The following IGF2R variants were observed in gnomAD, a reference collection of about 807,000 sequenced individuals.
IGF2R encodes the protein cation-independent mannose-6-phosphate receptor.
In IGF2R, 91 loss-of-function variants were observed where a neutral mutation model predicts 270.6. The ratio of observed to expected loss-of-function variants is 0.34; its 90% CI spans 0.28 to 0.40. The LOEUF is 0.40. Ranked by LOEUF, IGF2R falls within the 10% of genes least tolerant of loss-of-function variation. The probability of loss-of-function intolerance (pLI) is 1.00; values close to 1 mark genes in which losing one functional copy is unlikely to be tolerated. For synonymous variants in IGF2R, 1,316 were observed against 1,258.9 expected, an observed-to-expected ratio of 1.05 and a Z score of -0.96; for missense variants, 2,805 against 3,188.3, an observed-to-expected ratio of 0.88 and a Z score of 2.90.
chr6:160,075,706 A>G lies in IGF2R; in HGVS notation c.5167-141A>G, dbSNP rs376485883. The G allele has an allele frequency of 2.3e-3, 1,726 of 757,928 alleles. 11 individuals are homozygous for G. Among genetic ancestry groups the G allele is most frequent in the South Asian group, 9.7e-3 (549 of 56,610 alleles). 47.0% of individuals were successfully genotyped at this position (757,928 alleles called of 1,614,324 possible). On this transcript the variant is annotated intron_variant, in intron 35 of 47. Transcript: ENST00000356956. ...GTCAAGCCTTCCAACTGGAGTTGGTATAAACCCAGTTTCTTTAGATGCTGC... is the reference window on the plus strand; with the variant it reads ...GTCAAGCCTTCCAACTGGAGTTGGTGTAAACCCAGTTTCTTTAGATGCTGC...
rs116755569 is a variant in IGF2R at position 160,040,016 on chromosome 6, A to G, written c.1316-544A>G. Among the ~76,000 whole-genome samples the G allele has an allele frequency of 3.5e-3, 536 of 152,324 alleles. 3 individuals are homozygous for G. Among genetic ancestry groups the G allele is most frequent in the African/African-American group, 0.012 (513 of 41,572 alleles). On this transcript the variant is annotated intron_variant, in intron 10 of 47. Transcript: ENST00000356956. The stretch of plus-strand genomic sequence containing the variant: ...GTGCTGCTAACATTGTGGGGCTGGC[A>G]TAGGACCTTGGCGTGCTTCACTGGG...
At position 160,111,464 on chromosome 6, in the gene IGF2R, T is replaced by C. The variant is rs1274488154; in HGVS notation, c.*6380T>C. 3 of 152,248 alleles carry C rather than the reference T, an allele frequency of 2.0e-5. No homozygotes were observed. Among genetic ancestry groups the C allele is most frequent in the Admixed American group, 1.3e-4 (2 of 15,286 alleles). 9.4% of individuals were successfully genotyped at this position (152,248 alleles called of 1,614,324 possible). On this transcript the variant is annotated 3_prime_UTR_variant, in exon 48 of 48. Transcript: ENST00000356956. ...TTTTCTTAAAACTTTTTCTGTATTT[T>C]ATTGTAAGAATACAGTATATAATAC...
rs1190032877 is a variant in IGF2R at position 160,004,827 on chromosome 6, A to G, written c.290-4183A>G. The G allele has an allele frequency of 1.3e-5, 2 of 152,494 alleles. No individual in the cohort carries two copies. The highest frequency in any genetic ancestry group is 1.5e-5 in the Non-Finnish European group (1 of 68,296). 9.4% of individuals were successfully genotyped at this position (152,494 alleles called of 1,614,324 possible). Reference sequence around the variant, plus strand: ...CCTGCCTGTGCACCAGGGAAAGCCAAACACCAAAGCGCAGGGTTTTTGCTG... The same window carrying G: ...CCTGCCTGTGCACCAGGGAAAGCCAGACACCAAAGCGCAGGGTTTTTGCTG... On this transcript the variant is annotated intron_variant, in intron 2 of 47. Transcript: ENST00000356956. The surrounding 1 kb of genome is among the most constrained non-coding windows in gnomAD (Gnocchi z 5.2).
At position 160,085,074 on chromosome 6, in the gene IGF2R, A is replaced by G. The variant is rs758170760; in HGVS notation, c.6148A>G (p.Thr2050Ala). ...AAGGGCCAGCATTTGCAGAAGGACC[A>G]CAACTGGTGACGTCCAGGTCCTGGG... The part of the protein sequence containing the change: ...SERASICRRT[T>A]TGDVQVLGLV... Residue 2050 changes from threonine (T) to alanine (A), a missense_variant, in exon 41 of 48, where the codon ACA becomes GCA. Thr to Ala is a moderately conservative substitution (Grantham distance 58, BLOSUM62 0). This residue lies in a region of IGF2R where 1,851 missense variants were observed against 2,207.2 expected (regional missense o/e 0.84). Transcript: ENST00000356956. 1.9e-6 allele frequency: 3 copies of G among 1,614,100 alleles called. No individual in the cohort carries two copies. Among genetic ancestry groups the G allele is most frequent in the South Asian group, 1.1e-5 (1 of 91,082 alleles).
Position 160,071,894 on chromosome 6 carries a change from C to G in IGF2R, c.4444-16C>G, listed in dbSNP as rs753136356. 10 of 1,614,082 alleles carry G rather than the reference C, an allele frequency of 6.2e-6. No homozygotes were observed. Among genetic ancestry groups the G allele is most frequent in the Non-Finnish European group, 8.5e-6 (10 of 1,179,954 alleles). On this transcript the variant is annotated splice_polypyrimidine_tract_variant and intron_variant, in intron 31 of 47. Coordinates refer to ENST00000356956, the MANE Select transcript of IGF2R (RefSeq NM_000876.4). Reference sequence around the variant, plus strand: ...TTTGCGTGATCCCTTCAGGACCTGTCTGTGCTTTGTTGTAGAACTCCAGGC... The same window carrying G: ...TTTGCGTGATCCCTTCAGGACCTGTGTGTGCTTTGTTGTAGAACTCCAGGC...
At chr6:160,077,257 T>C (rs1026734387) in intron 36 of IGF2R, among the ~76,000 whole-genome samples, 3 of 152,164 alleles carry the variant, frequency 2.0e-5, no homozygotes, top group Non-Finnish European at 4.4e-5. Context: ...TATTGGCATA[T>C]TTTTATAGGG....
Position 160,064,519 on chromosome 6 carries a change from C to T in IGF2R, c.4005C>T (p.Arg1335=), listed in dbSNP as rs377735079. Residue 1335 remains arginine (R), a synonymous_variant, in exon 28 of 48, where the codon CGC becomes CGT. Coordinates refer to ENST00000356956, the MANE Select transcript of IGF2R (RefSeq NM_000876.4). The stretch of plus-strand genomic sequence containing the variant: ...CAGCCATCTTCTTCTACTGTGACCG[C>T]GGCACCCAGCGGGTGAGCATGTACC... ...RSTAIFFYCD[R]GTQRPVFLKE... is the part of the protein sequence containing the mutation. 25 of 1,613,992 alleles carry T rather than the reference C, an allele frequency of 1.5e-5. No individual in the cohort carries two copies. Among genetic ancestry groups the T allele is most frequent in the Middle Eastern group, 1.6e-4 (1 of 6,078 alleles).
rs1243604829 is a variant in IGF2R at position 160,063,508 on chromosome 6, A to G, written c.3764A>G (p.Tyr1255Cys). 2 of 1,614,132 alleles carry G rather than the reference A, an allele frequency of 1.2e-6. No homozygotes were observed. The highest frequency in any genetic ancestry group is 1.1e-5 in the South Asian group (1 of 91,076). The change falls in exon 27 of 48, where the codon TAC becomes TGC. Residue 1255 changes from tyrosine (Y) to cysteine (C), a missense_variant. Around this residue, in one of 2 missense-constraint regions of IGF2R, gnomAD observed 1,851 missense variants for 2,207.2 expected, o/e 0.84. Coordinates refer to ENST00000356956, the MANE Select transcript of IGF2R (RefSeq NM_000876.4). ...LNDTIVSAGEYTYYFRVCGKL... is the reference protein window; with the variant it reads ...LNDTIVSAGECTYYFRVCGKL... ...GACACCATCGTGAGCGCTGGCGAATACACTTATTACTTCCGGGTCTGTGGG... is the reference window on the plus strand; with the variant it reads ...GACACCATCGTGAGCGCTGGCGAATGCACTTATTACTTCCGGGTCTGTGGG...
In IGF2R at chr6:160,069,946, C is replaced by T. The variant is rs1197540560; in HGVS notation, c.4331C>T (p.Pro1444Leu). Reference sequence around the variant, plus strand: ...AACCTCGGCAGGGTAAGGGACGGACCTCAGTGGAGAGATGGCATAATTGTC... The same window carrying T: ...AACCTCGGCAGGGTAAGGGACGGACTTCAGTGGAGAGATGGCATAATTGTC... ...PVNLGRVRDG[P>L]QWRDGIIVLK... The change falls in exon 31 of 48, where the codon CCT becomes CTT. Residue 1444 changes from proline (P) to leucine (L), a missense_variant. Physicochemically the swap from Pro to Leu is moderately conservative, Grantham distance 98. Around this residue, in one of 2 missense-constraint regions of IGF2R, gnomAD observed 1,851 missense variants for 2,207.2 expected, o/e 0.84. Transcript: ENST00000356956. The T allele has an allele frequency of 1.2e-6, 2 of 1,614,216 alleles. No individual in the cohort carries two copies. Among genetic ancestry groups the T allele is most frequent in the Admixed American group, 1.7e-5 (1 of 60,030 alleles).
intron 39 of IGF2R, among the ~76,000 whole-genome samples, chr6:160,083,056 C>T (rs1187474576): frequency 6.6e-6 from 1 of 152,234 alleles, no homozygotes; most frequent in African/African-American, 2.4e-5. Context: ...CAAGGACCTG[C>T]ACCGGCATCG....
chr6:160,089,015 TGCTTC>T, intron 42 of IGF2R, 87 bp from the exon 43 acceptor site: 1 of 1,298,808 alleles, frequency 7.7e-7, no homozygotes, highest in African/African-American at 1.5e-5. Context: ...GCCAGTGAGC[TGCTTC>T]AAGGGCTCCG....
intron 39 of IGF2R, 78 bp downstream of exon 39, chr6:160,080,353 G>A (rs1778951827): frequency 7.2e-7 from 1 of 1,385,848 alleles, no homozygotes; most frequent in Non-Finnish European, 9.9e-7. Flanking sequence ...TGAGACCTTT[G>A]TGGATGCCCC....
At position 160,096,575 on chromosome 6, in the gene IGF2R, C is replaced by T. The variant is rs986639072; in HGVS notation, c.6792C>T (p.Ala2264=). Residue 2264 remains alanine, a synonymous_variant, in exon 45 of 48, where the codon GCC becomes GCT. Transcript: ENST00000356956. ...TCCCCGAGTTCAGTCACGAGACTGC[C>T]GACTGCCAGTACCTCTTCTCTTGGT... The part of the protein sequence containing the change: ...DGIPEFSHET[A]DCQYLFSWYT... The T allele has an allele frequency of 3.7e-6, 6 of 1,614,100 alleles. No individual in the cohort carries two copies. Among genetic ancestry groups the T allele is most frequent in the Non-Finnish European group, 5.1e-6 (6 of 1,179,994 alleles).
chr6:160,063,358 A>C (rs920042099), intron 26 of IGF2R, 57 bp from the exon 27 acceptor site: 1 of 1,375,832 alleles, frequency 7.3e-7, no homozygotes, highest in African/African-American at 1.4e-5. Flanking sequence ...TTTTTGCTTG[A>C]AAATGTGAAT....
chr6:160,097,135 C>G (rs917088154), intron 45 of IGF2R, among the ~76,000 whole-genome samples: 3 of 152,232 alleles, frequency 2.0e-5, no homozygotes, highest in African/African-American at 4.8e-5. Context: ...GAAAAGCTTA[C>G]TCTCCAGATT....
At chr6:160,068,415 T>A (rs1208168878) in intron 30 of IGF2R, 30 bp downstream of exon 30, 2 of 1,589,066 alleles carry the variant, frequency 1.3e-6, no homozygotes, top group Non-Finnish European at 1.7e-6. Flanking sequence ...TGGGGTGGTG[T>A]TTGCAGTGAG....
intron 16 of IGF2R, 110 bp downstream of exon 16, chr6:160,047,446 G>A (rs1049516467): frequency 2.7e-5 from 26 of 955,090 alleles, no homozygotes; most frequent in East Asian, 1.3e-4. Context: ...AATCATCACC[G>A]TCATTAGATT....
At chr6:160,027,069 A>G in intron 5 of IGF2R, 116 bp from the exon 6 acceptor site, 6 of 1,150,572 alleles carry the variant, frequency 5.2e-6, no homozygotes, top group Non-Finnish European at 7.6e-6. Flanking sequence ...CAGAATAGTT[A>G]CTTAGGGAGA....
rs1403688416 is a variant in IGF2R at position 160,106,373 on chromosome 6, T to C, written c.*1289T>C. On this transcript the variant is annotated 3_prime_UTR_variant, in exon 48 of 48. Coordinates refer to ENST00000356956, the MANE Select transcript of IGF2R (RefSeq NM_000876.4). ...GTAGAATTGTATATAGACTCTGGTG[T>C]TCTATTGCTGAGAAGCAAACCGCCC... The C allele has an allele frequency of 6.5e-6, 1 of 152,676 alleles. No individual in the cohort carries two copies. The highest frequency in any genetic ancestry group is 1.5e-5 in the Non-Finnish European group (1 of 68,050). 9.5% of individuals were successfully genotyped at this position (152,676 alleles called of 1,614,324 possible).
Sources: gnomAD v4.1 joint callset for allele counts (sites outside exome capture counted in the v4.1 genomes callset) on GRCh38, gnomAD v4.1.1 for gene constraint, gnomAD v4.1.1 regional missense constraint, Gnocchi (gnomAD v3.1) non-coding constraint, MANE v1.5 for transcripts, NCBI Gene and HGNC (gene_info 2026-07-23, HGNC 2026-07-21) for gene names.